Variants in FLRT1 observed in about 807,000 individuals in gnomAD.
The protein encoded by FLRT1 is leucine-rich repeat transmembrane protein FLRT1.
Under a neutral mutation model 30.9 loss-of-function variants are expected in FLRT1, and 14 were observed. The ratio of observed to expected loss-of-function variants is 0.45; its 90% confidence interval spans 0.30 to 0.71. The LOEUF is 0.71. Ranked by LOEUF, FLRT1 falls within the 30% of genes least tolerant of loss-of-function variation. The probability of loss-of-function intolerance (pLI) is 0.08; values close to 1 mark genes in which losing one functional copy is unlikely to be tolerated. For synonymous variants in FLRT1, 368 were observed against 430.4 expected, an observed-to-expected ratio of 0.85 and a Z score of 1.80; for missense variants, 737 against 949.2, an observed-to-expected ratio of 0.78 and a Z score of 2.94.
chr11:64,085,132 T>C (rs1944371255), intron 1 of FLRT1, among the ~76,000 whole-genome samples: 1 of 151,890 alleles, frequency 6.6e-6, no homozygotes, highest in African/African-American at 2.4e-5. Flanking sequence ...CCAGGGAGGA[T>C]TGGGGGTTCT....
chr11:64,107,170 C>T (rs553105052), intron 2 of FLRT1, among the ~76,000 whole-genome samples: 1 of 152,222 alleles, frequency 6.6e-6, no homozygotes, highest in Admixed American at 6.5e-5. Context: ...AATGAGCCAA[C>T]TTGCCCAGCC....
chr11:64,084,007 G>A (rs1054822193), intron 1 of FLRT1, among the ~76,000 whole-genome samples: 8 of 29,842 alleles, frequency 2.7e-4, no homozygotes, highest in Non-Finnish European at 1.2e-3. Flanking sequence ...GCTGGGTTCC[G>A]GCCTTTCACT....
intron 2 of FLRT1, among the ~76,000 whole-genome samples, chr11:64,108,674 G>A (rs1189048147): frequency 6.6e-6 from 1 of 152,230 alleles, no homozygotes; most frequent in African/African-American, 2.4e-5. Context: ...CCCGCTCTGG[G>A]GCTGAGAAAC....
chr11:64,078,464 G>A (rs1944243929), intron 1 of FLRT1, among the ~76,000 whole-genome samples: 1 of 152,198 alleles, frequency 6.6e-6, no homozygotes, highest in Admixed American at 6.5e-5. Flanking sequence ...GAAACAAGAG[G>A]AGCCACTTAG....
In FLRT1 at chr11:64,117,640, C is replaced by T. The variant is rs768326608; in HGVS notation, c.1373C>T (p.Thr458Met). The change falls in exon 3 of 3, where the codon ACG (threonine) becomes ATG (methionine). Residue 458 changes from threonine to methionine, a missense_variant. Physicochemically the swap from Thr to Met is moderately conservative, Grantham distance 81 (BLOSUM62 -1). Transcript: ENST00000682287. ...ADSIRITWKA[T>M]LPASSFRLSW... The stretch of plus-strand genomic sequence containing the variant: ...TCCATCCGCATCACGTGGAAGGCCA[C>T]GCTCCCCGCCTCCTCTTTCCGGCTC... The T allele has an allele frequency of 2.6e-5, 42 of 1,613,602 alleles. No individual in the cohort carries two copies. Among genetic ancestry groups the T allele is most frequent in the East Asian group, 1.8e-4 (8 of 44,896 alleles).
intron 1 of FLRT1, among the ~76,000 whole-genome samples, chr11:64,084,874 G>T (rs889908520): frequency 1.3e-5 from 2 of 152,220 alleles, no homozygotes; most frequent in African/African-American, 4.8e-5. Context: ...GACTCACAGG[G>T]AGAGCTGCGT....
At position 64,036,790 on chromosome 11, in the gene FLRT1, C is replaced by A. The variant is rs920079547; in HGVS notation, c.-1038+631C>A. On this transcript the variant is annotated intron_variant, in intron 1 of 2. Transcript: ENST00000682287. This position sits in a 1 kb window ranked among gnomAD's most constrained non-coding sequence, Gnocchi z 5.6. ...CGGCTGGAACGGTGAGACCATGGTG[C>A]CTGGGCGGGGGGCGGCGGGCACCCC... 6.6e-6 allele frequency among the ~76,000 whole-genome samples: 1 copy of A among 152,072 alleles called. No individual in the cohort carries two copies. The highest frequency in any genetic ancestry group is 1.5e-5 in the Non-Finnish European group (1 of 67,978).
intron 1 of FLRT1, among the ~76,000 whole-genome samples, chr11:64,061,704 T>C (rs1326946079): frequency 7.2e-6 from 1 of 138,240 alleles, no homozygotes; most frequent in African/African-American, 3.1e-5. Context: ...AAATGAGACT[T>C]TTTTTTTTTT....
chr11:64,038,165 G>C (rs1943418477), intron 1 of FLRT1, among the ~76,000 whole-genome samples: 1 of 152,200 alleles, frequency 6.6e-6, no homozygotes, highest in South Asian at 2.1e-4. Context: ...TTCTAAGGAG[G>C]TGATGGGGAG....
chr11:64,092,626 G>A (rs770420587), intron 1 of FLRT1, among the ~76,000 whole-genome samples: 1 of 152,248 alleles, frequency 6.6e-6, no homozygotes, highest in Non-Finnish European at 1.5e-5. Context: ...CTCACTTGCT[G>A]CAGGCACGTG....
At chr11:64,065,715 G>A (rs907666247) in intron 1 of FLRT1, among the ~76,000 whole-genome samples, 1 of 151,250 alleles carries the variant, frequency 6.6e-6, no homozygotes, top group African/African-American at 2.4e-5. Context: ...GTGTGAACCC[G>A]GGAGGCGGAG....
intron 1 of FLRT1, chr11:64,086,971 G>C (rs546209003): frequency 2.6e-5 from 4 of 152,192 alleles, no homozygotes; most frequent in Admixed American, 2.6e-4. Context: ...TTTTGACGCA[G>C]GGAGATGACC....
intron 1 of FLRT1, among the ~76,000 whole-genome samples, chr11:64,039,634 G>A (rs568945601): frequency 2.3e-4 from 35 of 152,366 alleles, no homozygotes; most frequent in Middle Eastern, 3.4e-3. Flanking sequence ...CCTGCCTGGA[G>A]TTCTCTGGCA....
At chr11:64,050,316 G>A (rs901841912) in intron 1 of FLRT1, among the ~76,000 whole-genome samples, 1 of 152,168 alleles carries the variant, frequency 6.6e-6, no homozygotes, top group Non-Finnish European at 1.5e-5. Flanking sequence ...CCCAGAGCTT[G>A]ACTGAGTTTA....
At chr11:64,068,794 A>G (rs1944052546) in intron 1 of FLRT1, among the ~76,000 whole-genome samples, 1 of 152,226 alleles carries the variant, frequency 6.6e-6, no homozygotes, top group Non-Finnish European at 1.5e-5. Flanking sequence ...CCCCATGGGC[A>G]TGCTCCCCCA....
intron 1 of FLRT1, among the ~76,000 whole-genome samples, chr11:64,068,714 G>A (rs943642401): frequency 6.6e-6 from 1 of 152,208 alleles, no homozygotes; most frequent in Non-Finnish European, 1.5e-5. Context: ...CCAGCTGAGG[G>A]CAGAGAAGCT....
At chr11:64,066,675 C>T (rs940351524) in intron 1 of FLRT1, among the ~76,000 whole-genome samples, 6 of 151,966 alleles carry the variant, frequency 3.9e-5, no homozygotes, top group South Asian at 2.1e-4. Flanking sequence ...TAAATAATCA[C>T]GCTCCTTCTG....
At chr11:64,041,714 T>G (rs1021546394) in intron 1 of FLRT1, among the ~76,000 whole-genome samples, 16 of 152,138 alleles carry the variant, frequency 1.1e-4, no homozygotes, top group Non-Finnish European at 1.8e-4. Context: ...CTGAGCTCTC[T>G]CAAGCGACAT....
chr11:64,039,561 G>A (rs528905995), intron 1 of FLRT1, among the ~76,000 whole-genome samples: 5 of 152,288 alleles, frequency 3.3e-5, no homozygotes, highest in African/African-American at 1.2e-4. Flanking sequence ...GGGGCAGACT[G>A]GATGGCCGGG....
Sources: gnomAD v4.1 joint callset for allele counts (sites outside exome capture counted in the v4.1 genomes callset) on GRCh38, gnomAD v4.1.1 for gene constraint, Gnocchi (gnomAD v3.1) non-coding constraint, MANE v1.5 for transcripts, NCBI Gene and HGNC (gene_info 2026-07-23, HGNC 2026-07-21) for gene names.